The following FANCD2 variants were observed in gnomAD, a reference collection of about 807,000 sequenced individuals.
The protein encoded by FANCD2 is FA complementation group D2.
In FANCD2, 131 loss-of-function variants were observed where a neutral mutation model predicts 192.3. The ratio of observed to expected loss-of-function variants is 0.68; its 90% CI spans 0.59 to 0.79. FANCD2 has a LOEUF of 0.79. Ranked by LOEUF, FANCD2 falls within the 30% of genes least tolerant of loss-of-function variation. The pLI is 0.00. For synonymous variants in FANCD2, 524 were observed against 612.5 expected (o/e 0.86, Z 2.13); for missense variants, 1,508 against 1,701.6 (o/e 0.89, Z 2.00).
chr3:10,036,105 T>TTTTTTTTTTTTTTTTTTTTTTTTTTTTG (rs2086724568), intron 6 of FANCD2, among the ~76,000 whole-genome samples, 182 bp from the exon 7 acceptor site: 2 of 146,788 alleles, frequency 1.4e-5, no homozygotes, highest in South Asian at 2.2e-4. Context: ...TTTTTTTTTT[T>TTTTTTTTTTTTTTTTTTTTTTTTTTTTG]GAGTCAGAGT....
intron 7 of FANCD2, among the ~76,000 whole-genome samples, chr3:10,037,010 G>GTTTTTTTT (rs369295785): frequency 6.7e-6 from 1 of 149,796 alleles, no homozygotes; most frequent in African/African-American, 2.5e-5. Context: ...TAATTTTCGT[G>GTTTTTTTT]GTTTTTTTTT....
In FANCD2 at chr3:10,099,105, A is replaced by G. The variant is rs1024072666; in HGVS notation, c.4281+290A>G. ...TTTCCATGAATTCATATCTGAAACC[A>G]TTTTAGAAGGGAGAAGTCATCGAAG... On this transcript the variant is annotated intron_variant, in intron 43 of 43. Transcript: ENST00000675286. 13 of 1,513,736 alleles carry G rather than the reference A, an allele frequency of 8.6e-6. No individual in the cohort carries two copies. The African/African-American group carries it at 1.7e-4, about 20-fold the overall frequency. The allele number at this position is 1,513,736 out of a possible 1,614,324, so 93.8% of individuals were successfully genotyped here.
chr3:10,093,614 A>G (rs1347139846), intron 39 of FANCD2, among the ~76,000 whole-genome samples: 3 of 152,140 alleles, frequency 2.0e-5, no homozygotes, highest in Non-Finnish European at 4.4e-5. Flanking sequence ...ATTCCTTACC[A>G]GGCAAAAGGG....
intron 1 of FANCD2, among the ~76,000 whole-genome samples, chr3:10,028,347 G>GATC (rs1238026544): frequency 6.6e-6 from 1 of 152,226 alleles, no homozygotes; most frequent in Non-Finnish European, 1.5e-5. Context: ...GTTGGGGATA[G>GATC]ATAATGGAGG....
In FANCD2 at chr3:10,052,592, C is replaced by T. The variant is rs1462250390; in HGVS notation, c.1656+95C>T. 6 of 826,360 alleles carry T rather than the reference C, an allele frequency of 7.3e-6. No homozygotes were observed. The South Asian group carries it at 8.4e-5, about 12-fold the overall frequency. The allele number at this position is 826,360 out of a possible 1,614,324, so 51.2% of individuals were successfully genotyped here. ...GAGTGCAGTTGGCACGATCTCAGCT[C>T]ATTGCAACCTCTGCCTCCTGGGTTC... On this transcript the variant is annotated intron_variant, in intron 18 of 43. Coordinates refer to ENST00000675286, the MANE Select transcript of FANCD2 (RefSeq NM_001018115.3).
At chr3:10,083,084 G>T (rs1693945394) in intron 32 of FANCD2, among the ~76,000 whole-genome samples, 2 of 152,182 alleles carry the variant, frequency 1.3e-5, no homozygotes, top group East Asian at 3.9e-4. Flanking sequence ...AAAATTATCT[G>T]GGCATGGTGG....
chr3:10,072,280 CTT>C (rs547150617), intron 26 of FANCD2, among the ~76,000 whole-genome samples: 5,192 of 139,266 alleles, frequency 0.037, 275 homozygotes, highest in African/African-American at 0.13. Context: ...ATACCTTTCC[CTT>C]TTTTTTTTTT....
At chr3:10,033,763 C>T (rs1248448315) in intron 3 of FANCD2, among the ~76,000 whole-genome samples, 4 of 108,880 alleles carry the variant, frequency 3.7e-5, no homozygotes, top group African/African-American at 1.2e-4. Flanking sequence ...TGCAGTGGCG[C>T]GATCTCTGCT....
chr3:10,049,333 T>C, intron 16 of FANCD2, 41 bp from the exon 17 acceptor site: 1 of 1,541,208 alleles, frequency 6.5e-7, no homozygotes, highest in Non-Finnish European at 8.9e-7. Context: ...TGGCCATCCA[T>C]ATTTTGTTTT....
At chr3:10,048,950 T>C (rs554249904) in intron 16 of FANCD2, among the ~76,000 whole-genome samples, 1 of 152,320 alleles carries the variant, frequency 6.6e-6, no homozygotes, top group East Asian at 1.9e-4. Context: ...AATCCATGTT[T>C]GCTTGGAAAC....
chr3:10,052,159 A>G (rs974292602), intron 17 of FANCD2, among the ~76,000 whole-genome samples: 1 of 152,214 alleles, frequency 6.6e-6, no homozygotes, highest in African/African-American at 2.4e-5. Flanking sequence ...CTCTGATAAT[A>G]AGAGATTTAG....
chr3:10,090,108 T>C (rs1269832424), intron 36 of FANCD2, among the ~76,000 whole-genome samples, 184 bp from the exon 37 acceptor site: 1 of 152,214 alleles, frequency 6.6e-6, no homozygotes, highest in Admixed American at 6.5e-5. Context: ...TTCCATTGTT[T>C]GACAGGCAAT....
intron 37 of FANCD2, among the ~76,000 whole-genome samples, chr3:10,091,489 A>G (rs1694607735): frequency 1.3e-5 from 2 of 151,804 alleles, no homozygotes; most frequent in South Asian, 4.2e-4. Context: ...AAAAAAAAAG[A>G]AAAAACATAT....
chr3:10,090,729 A>G (rs1342567586), intron 37 of FANCD2, among the ~76,000 whole-genome samples: 1 of 152,194 alleles, frequency 6.6e-6, no homozygotes, highest in African/African-American at 2.4e-5. Context: ...AAGTGCTGAG[A>G]TTACAGACGT....
At chr3:10,065,341 G>A (rs1470207959) in intron 23 of FANCD2, 53 bp from the exon 24 acceptor site, 7 of 1,146,550 alleles carry the variant, frequency 6.1e-6, no homozygotes, top group Admixed American at 1.7e-5. Flanking sequence ...CCCTATGTAC[G>A]TGGAGTAATA....
At chr3:10,031,928 C>T (rs1181161555) in intron 2 of FANCD2, among the ~76,000 whole-genome samples, 1 of 152,108 alleles carries the variant, frequency 6.6e-6, no homozygotes, top group African/African-American at 2.4e-5. Flanking sequence ...CTCACTGCAA[C>T]CTCTGCCTCC....
chr3:10,087,285 T>A, intron 34 of FANCD2, 21 bp downstream of exon 34: 1 of 1,473,996 alleles, frequency 6.8e-7, no homozygotes, highest in Non-Finnish European at 9.2e-7. Flanking sequence ...TAGATCCTTT[T>A]TTTTTTTTTT....
rs555435253 is a variant in FANCD2 at position 10,040,238 on chromosome 3, A to G, written c.695+393A>G. The stretch of plus-strand genomic sequence containing the variant: ...TTTTTAGTAGAGACGGGGTTTCACC[A>G]TGTTAGCCAGGATGGTCTCGATCTC... On this transcript the variant is annotated intron_variant, in intron 9 of 43. Coordinates refer to ENST00000675286, the MANE Select transcript of FANCD2 (RefSeq NM_001018115.3). 4 of 321,526 alleles carry G rather than the reference A, an allele frequency of 1.2e-5. No homozygotes were observed. In the East Asian group the frequency reaches 2.4e-4, roughly 20 times the overall value. 19.9% of individuals were successfully genotyped at this position (321,526 alleles called of 1,614,324 possible). A position where few individuals can be genotyped will look rare whatever the true frequency, so the allele number is the denominator to read the frequency against.
At chr3:10,056,175 G>A (rs1449408814) in intron 18 of FANCD2, among the ~76,000 whole-genome samples, 4 of 152,134 alleles carry the variant, frequency 2.6e-5, no homozygotes, top group Non-Finnish European at 4.4e-5. Flanking sequence ...CACTGCGCCC[G>A]GCCCCCATTC....
Sources: allele counts gnomAD v4.1 joint callset (sites outside exome capture counted in the v4.1 genomes callset), GRCh38; gene constraint gnomAD v4.1.1; transcripts MANE v1.5; gene names NCBI Gene and HGNC (gene_info 2026-07-23, HGNC 2026-07-21).